Variants in KRR1 observed in about 807,000 individuals in gnomAD.
The protein encoded by KRR1 is KRR1 small subunit processome component.
A neutral mutation model predicts 50.0 loss-of-function variants in KRR1; 23 were observed. That is an observed-to-expected ratio of 0.46 (90% CI 0.33 to 0.65). The LOEUF (loss-of-function observed/expected upper bound fraction) is 0.65, where lower values mean the gene tolerates loss of function less well. Among genes scored for constraint, KRR1 ranks in the 30% least tolerant of loss-of-function variants. The probability of loss-of-function intolerance (pLI) is 0.02; values close to 1 mark genes in which losing one functional copy is unlikely to be tolerated. For synonymous variants in KRR1, 133 were observed against 146.3 expected, an observed-to-expected ratio of 0.91 and a Z score of 0.66; for missense variants, 419 against 442.4, an observed-to-expected ratio of 0.95 and a Z score of 0.47.
In KRR1 at chr12:75,501,833, A is replaced by G; in HGVS notation, c.910-17T>C. The stretch of plus-strand genomic sequence containing the variant: ...TTGTTTAGCCTACATTAATAAATAA[A>G]AAATATATCAGTTAAATGTATTTAT... On this transcript the variant is annotated splice_polypyrimidine_tract_variant and intron_variant, in intron 8 of 9. Transcript: ENST00000229214. 1 of 1,578,166 alleles carries G rather than the reference A, an allele frequency of 6.3e-7. No homozygotes were observed. The highest frequency in any genetic ancestry group is 8.6e-7 in the Non-Finnish European group (1 of 1,157,016).
At position 75,494,210 on chromosome 12, in the gene KRR1, T is replaced by A. The variant is rs2046337939; in HGVS notation, c.*5599A>T. On this transcript the variant is annotated 3_prime_UTR_variant, in exon 10 of 10. Coordinates refer to ENST00000229214, the MANE Select transcript of KRR1 (RefSeq NM_007043.7). ...TAAAGTTGTGTGTCTAAGGTGAGAG[T>A]TCTCAACTTTGGAGGTAATTGTAGA... 1 of 152,114 alleles carries A rather than the reference T, an allele frequency of 6.6e-6. No homozygotes were observed. The highest frequency in any genetic ancestry group is 1.5e-5 in the Non-Finnish European group (1 of 68,020). The allele number at this position is 152,114 out of a possible 1,614,324, so 9.4% of individuals were successfully genotyped here. A position where few individuals can be genotyped will look rare whatever the true frequency, so the allele number is the denominator to read the frequency against.
chr12:75,500,585 AC>A (rs1197335182), intron 9 of KRR1: 1 of 152,070 alleles, frequency 6.6e-6, no homozygotes. Flanking sequence ...ATATTTAACA[AC>A]ATTTTGGTAA....
Position 75,506,299 on chromosome 12 carries a change from T to C in KRR1, c.603+17A>G. 7 of 1,485,500 alleles carry C rather than the reference T, an allele frequency of 4.7e-6. No individual in the cohort carries two copies. The highest frequency in any genetic ancestry group is 1.4e-5 in the African/African-American group (1 of 71,690). 92.0% of individuals were successfully genotyped at this position (1,485,500 alleles called of 1,614,324 possible). A position where few individuals can be genotyped will look rare whatever the true frequency, so the allele number is the denominator to read the frequency against. On this transcript the variant is annotated intron_variant, in intron 5 of 9. Coordinates refer to ENST00000229214, the MANE Select transcript of KRR1 (RefSeq NM_007043.7). ...TTCTCTGCTGAAAATGAATCGAAGATAATACATAGTTCTCACCTCTTTTAA... is the reference window on the plus strand; with the variant it reads ...TTCTCTGCTGAAAATGAATCGAAGACAATACATAGTTCTCACCTCTTTTAA...
At chr12:75,500,598 A>C (rs1400672689) in intron 9 of KRR1, 2 of 152,050 alleles carry the variant, frequency 1.3e-5, no homozygotes, top group Admixed American at 6.6e-5. Context: ...TTTTGGTAAT[A>C]AAGACAATAA....
chr12:75,495,801 C>T lies in KRR1; in HGVS notation c.*4008G>A. On this transcript the variant is annotated 3_prime_UTR_variant, in exon 10 of 10. Coordinates refer to ENST00000229214, the MANE Select transcript of KRR1 (RefSeq NM_007043.7). ...CATCAAGTAGCAATTAAACCAATGG[C>T]TTACTGTTCTAGGAATACATTTAAG... 3.6e-6 allele frequency: 2 copies of T among 557,360 alleles called. No homozygotes were observed. Among genetic ancestry groups the T allele is most frequent in the South Asian group, 2.6e-5 (1 of 37,876 alleles). The allele number at this position is 557,360 out of a possible 1,614,324, so 34.5% of individuals were successfully genotyped here.
chr12:75,498,945 G>C lies in KRR1; in HGVS notation c.*864C>G, dbSNP rs2046370499. The C allele has an allele frequency of 6.2e-7, 1 of 1,604,000 alleles. No homozygotes were observed. Among genetic ancestry groups the C allele is most frequent in the Non-Finnish European group, 8.5e-7 (1 of 1,175,406 alleles). ...CTGTTATAATTACCATTTTGGTACA[G>C]CACAAGTACCCTAATTTAGTTCTTT... is the stretch of plus-strand genomic sequence containing the variant. On this transcript the variant is annotated 3_prime_UTR_variant, in exon 10 of 10. Coordinates refer to ENST00000229214, the MANE Select transcript of KRR1 (RefSeq NM_007043.7).
In KRR1 at chr12:75,506,783, T is replaced by C; in HGVS notation, c.392A>G (p.Gln131Arg). 1 of 1,608,994 alleles carries C rather than the reference T, an allele frequency of 6.2e-7. No individual in the cohort carries two copies. Among genetic ancestry groups the C allele is most frequent in the Non-Finnish European group, 8.5e-7 (1 of 1,178,080 alleles). The change falls in exon 3 of 10, where the codon CAG becomes CGG. Residue 131 changes from glutamine (Q) to arginine (R), a missense_variant and splice_region_variant. Physicochemically the swap from Gln to Arg is conservative, Grantham distance 43. Coordinates refer to ENST00000229214, the MANE Select transcript of KRR1 (RefSeq NM_007043.7). ...KLLARSVSFE[Q>R]AVRILQDDVA... ...AAGTCTCTGTAATTCTAGATTTACC[T>C]GTTCAAATGAAACACTCCTTGCTAA... is the stretch of plus-strand genomic sequence containing the variant.
Position 75,508,273 on chromosome 12 carries a change from C to A in KRR1, c.258+1G>T. On this transcript the variant is annotated splice_donor_variant, in intron 2 of 9. Coordinates refer to ENST00000229214, the MANE Select transcript of KRR1 (RefSeq NM_007043.7). LOFTEE classifies it high-confidence loss of function. ...AATGTATTGATATAAGATACACATACATGTTCATTTAAGGCTTTCTGCACC... is the reference window on the plus strand; with the variant it reads ...AATGTATTGATATAAGATACACATAAATGTTCATTTAAGGCTTTCTGCACC... 6.3e-7 allele frequency: 1 copy of A among 1,597,392 alleles called. No homozygotes were observed. The highest frequency in any genetic ancestry group is 8.5e-7 in the Non-Finnish European group (1 of 1,173,536).
Position 75,511,565 on chromosome 12 carries a change from T to G in KRR1, c.33A>C (p.Lys11Asn). The G allele has an allele frequency of 1.2e-6, 2 of 1,613,804 alleles. No homozygotes were observed. The highest frequency in any genetic ancestry group is 1.1e-5 in the South Asian group (1 of 91,080). Residue 11 changes from lysine to asparagine, a missense_variant, in exon 1 of 10, where the codon AAA becomes AAC. Physicochemically the swap from Lys to Asn is moderately conservative, Grantham distance 94. Coordinates refer to ENST00000229214, the MANE Select transcript of KRR1 (RefSeq NM_007043.7). Reference sequence around the variant, plus strand: ...TACGAAATTCACTTTTTCCAGCGCCTTTTTCTGGCCGCTCCAGCGAGGGAG... The same window carrying G: ...TACGAAATTCACTTTTTCCAGCGCCGTTTTCTGGCCGCTCCAGCGAGGGAG... MASPSLERPE[K>N]GAGKSEFRNQ...
In KRR1 at chr12:75,499,188, A is replaced by T. The variant is rs547444282; in HGVS notation, c.*621T>A. On this transcript the variant is annotated 3_prime_UTR_variant, in exon 10 of 10. Coordinates refer to ENST00000229214, the MANE Select transcript of KRR1 (RefSeq NM_007043.7). ...ATAAGCATTATTTGCAGGTTGCCAC[A>T]GGTGGACTTTTAGTAAGTAACCTAA... is the stretch of plus-strand genomic sequence containing the variant. 1.1e-3 allele frequency: 421 copies of T among 391,620 alleles called. 1 individual carries two copies. Among genetic ancestry groups the T allele is most frequent in the Non-Finnish European group, 1.5e-3 (340 of 221,286 alleles). The allele number at this position is 391,620 out of a possible 1,614,324, so 24.3% of individuals were successfully genotyped here. A position where few individuals can be genotyped will look rare whatever the true frequency, so the allele number is the denominator to read the frequency against.
At position 75,498,616 on chromosome 12, in the gene KRR1, G is replaced by GACTT. The variant is rs2046366576; in HGVS notation, c.*1189_*1192dup. 4.3e-6 allele frequency: 5 copies of GACTT among 1,158,178 alleles called. No homozygotes were observed. Among genetic ancestry groups the GACTT allele is most frequent in the Non-Finnish European group, 3.9e-6 (3 of 774,138 alleles). 71.7% of individuals were successfully genotyped at this position (1,158,178 alleles called of 1,614,324 possible). On this transcript the variant is annotated 3_prime_UTR_variant, in exon 10 of 10. Coordinates refer to ENST00000229214, the MANE Select transcript of KRR1 (RefSeq NM_007043.7). ...AGCAAGTTAATGGTCATAATTATAA[G>GACTT]ACTTAGCTTTTTAAAATAAAACTCT...
chr12:75,498,555 A>ATAATT lies in KRR1; in HGVS notation c.*1249_*1253dup, dbSNP rs535512860. 1.6e-6 allele frequency: 1 copy of ATAATT among 643,510 alleles called. No individual in the cohort carries two copies. The highest frequency in any genetic ancestry group is 2.7e-5 in the East Asian group (1 of 36,442). 39.9% of individuals were successfully genotyped at this position (643,510 alleles called of 1,614,324 possible). ...ATTCAGTCAGTTCAAAAAGTTTTGAATAATTAAACTTGGAAAGTCACTGCA... is the reference window on the plus strand; with the variant it reads ...ATTCAGTCAGTTCAAAAAGTTTTGAATAATTTAATTAAACTTGGAAAGTCACTGCA... On this transcript the variant is annotated 3_prime_UTR_variant, in exon 10 of 10. Coordinates refer to ENST00000229214, the MANE Select transcript of KRR1 (RefSeq NM_007043.7).
In KRR1 at chr12:75,506,390, G is replaced by A; in HGVS notation, c.529C>T (p.Leu177Phe). The change falls in exon 5 of 10, where the codon CTC (leucine) becomes TTC (phenylalanine). Residue 177 changes from leucine to phenylalanine, a missense_variant. Physicochemically the swap from Leu to Phe is conservative, Grantham distance 22. Transcript: ENST00000229214. The part of the protein sequence containing the change: ...PKGSTLKALE[L>F]LTNCYIMVQG... The stretch of plus-strand genomic sequence containing the variant: ...ACCATAATGTAACAATTAGTTAAGA[G>A]TTCCAATGCCTGTATCAAGAGATCA... The A allele has an allele frequency of 6.2e-7, 1 of 1,611,328 alleles. No homozygotes were observed. Among genetic ancestry groups the A allele is most frequent in the Non-Finnish European group, 8.5e-7 (1 of 1,178,814 alleles).
Position 75,498,872 on chromosome 12 carries a change from G to A in KRR1, c.*937C>T. ...GGCTGGCCCATATATCCACGTAACA[G>A]ATACACTTCTCTCTTTCTCATTGTT... is the stretch of plus-strand genomic sequence containing the variant. On this transcript the variant is annotated 3_prime_UTR_variant, in exon 10 of 10. Transcript: ENST00000229214. The A allele has an allele frequency of 1.2e-6, 2 of 1,611,210 alleles. No homozygotes were observed. Among genetic ancestry groups the A allele is most frequent in the African/African-American group, 1.3e-5 (1 of 74,924 alleles).
rs954395024 is a variant in KRR1 at position 75,494,380 on chromosome 12, C to T, written c.*5429G>A. ...ATATTAGCAATAAACGTGACTCTGA[C>T]TTAGCAGTATCATCTTTGTAAATAT... On this transcript the variant is annotated 3_prime_UTR_variant, in exon 10 of 10. Transcript: ENST00000229214. 1.3e-5 allele frequency: 2 copies of T among 152,186 alleles called. No individual in the cohort carries two copies. Among genetic ancestry groups the T allele is most frequent in the African/African-American group, 2.4e-5 (1 of 41,434 alleles). 9.4% of individuals were successfully genotyped at this position (152,186 alleles called of 1,614,324 possible).
In KRR1 at chr12:75,493,984, G is replaced by A. The variant is rs2046336606; in HGVS notation, c.*5825C>T. Reference sequence around the variant, plus strand: ...TAGAACTTAAACCACTTAATACTGTGCTTATTAACAATGAAAGACATTCCA... The same window carrying A: ...TAGAACTTAAACCACTTAATACTGTACTTATTAACAATGAAAGACATTCCA... On this transcript the variant is annotated 3_prime_UTR_variant, in exon 10 of 10. Coordinates refer to ENST00000229214, the MANE Select transcript of KRR1 (RefSeq NM_007043.7). The A allele has an allele frequency of 6.6e-6, 1 of 152,142 alleles. No individual in the cohort carries two copies. Among genetic ancestry groups the A allele is most frequent in the Non-Finnish European group, 1.5e-5 (1 of 68,032 alleles). 9.4% of individuals were successfully genotyped at this position (152,142 alleles called of 1,614,324 possible).
At position 75,499,002 on chromosome 12, in the gene KRR1, CA is replaced by C. The variant is rs749541829; in HGVS notation, c.*806del. 1.3e-6 allele frequency: 2 copies of C among 1,502,010 alleles called. No homozygotes were observed. The highest frequency in any genetic ancestry group is 1.8e-6 in the Non-Finnish European group (2 of 1,124,010). The allele number at this position is 1,502,010 out of a possible 1,614,324, so 93.0% of individuals were successfully genotyped here. A position where few individuals can be genotyped will look rare whatever the true frequency, so the allele number is the denominator to read the frequency against. On this transcript the variant is annotated 3_prime_UTR_variant, in exon 10 of 10. Coordinates refer to ENST00000229214, the MANE Select transcript of KRR1 (RefSeq NM_007043.7). The stretch of plus-strand genomic sequence containing the variant: ...AATACAATTCAGGAAAGAAAAAACC[CA>C]AAAACCAACCTCATTCACATATGGC...
In KRR1 at chr12:75,496,822, T is replaced by G. The variant is rs1437037369; in HGVS notation, c.*2987A>C. 2 of 152,206 alleles carry G rather than the reference T, an allele frequency of 1.3e-5. No homozygotes were observed. The highest frequency in any genetic ancestry group is 1.5e-5 in the Non-Finnish European group (1 of 68,044). The allele number at this position is 152,206 out of a possible 1,614,324, so 9.4% of individuals were successfully genotyped here. On this transcript the variant is annotated 3_prime_UTR_variant, in exon 10 of 10. Transcript: ENST00000229214. ...ATAAAATTCTATATATTAAACTGCT[T>G]GCTCTCCTCCTTCCCATTTAATGTT...
At position 75,495,576 on chromosome 12, in the gene KRR1, G is replaced by A. The variant is rs769877918; in HGVS notation, c.*4233C>T. The A allele has an allele frequency of 3.2e-6, 5 of 1,578,790 alleles. No homozygotes were observed. The highest frequency in any genetic ancestry group is 1.7e-6 in the Non-Finnish European group (2 of 1,148,170). On this transcript the variant is annotated 3_prime_UTR_variant, in exon 10 of 10. Coordinates refer to ENST00000229214, the MANE Select transcript of KRR1 (RefSeq NM_007043.7). ...ATGGACATCCTTCTTCTGCTTTACA[G>A]AGGGAATTACCCAACTTGGCCATAT... is the stretch of plus-strand genomic sequence containing the variant.
Sources: gnomAD v4.1 joint callset for allele counts on GRCh38, gnomAD v4.1.1 for gene constraint, MANE v1.5 for transcripts, NCBI Gene and HGNC (gene_info 2026-07-23, HGNC 2026-07-21) for gene names.